The following RP1 variants were observed in gnomAD, a reference collection of about 807,000 sequenced individuals.
RP1 encodes RP1 axonemal microtubule associated.
A neutral mutation model predicts 14.8 loss-of-function variants in RP1; 16 were observed. The ratio of observed to expected loss-of-function variants is 1.08; its 90% CI spans 0.73 to 1.65. The LOEUF (loss-of-function observed/expected upper bound fraction) is 1.65. Among genes scored for constraint, RP1 ranks in the 40% most tolerant of loss-of-function variants. RP1 has a pLI of 0.00. For missense variants in RP1, 2,631 were observed against 2,535.0 expected, an observed-to-expected ratio of 1.04 and a Z score of -0.81; for synonymous variants, 876 against 883.6, an observed-to-expected ratio of 0.99 and a Z score of 0.15.
chr8:54,644,356 C>T (rs1023670928), intron 3 of RP1, among the ~76,000 whole-genome samples: 1 of 152,192 alleles, frequency 6.6e-6, no homozygotes, highest in African/African-American at 2.4e-5. Context: ...AGGGCAGTGG[C>T]TTTACCCTCT....
chr8:54,844,201 C>T (rs1811860069), intron 25 of RP1, among the ~76,000 whole-genome samples: 1 of 152,174 alleles, frequency 6.6e-6, no homozygotes, highest in Non-Finnish European at 1.5e-5. Flanking sequence ...GAGTTGGAAG[C>T]CCGGGTGGCC....
At chr8:54,758,472 GGGAGGGAA>G (rs1332557514) in intron 21 of RP1, among the ~76,000 whole-genome samples, 2 of 150,044 alleles carry the variant, frequency 1.3e-5, no homozygotes, top group Non-Finnish European at 3.0e-5. Flanking sequence ...GAGGGAGGGA[GGGAGGGAA>G]GGAGGGAGGA....
chr8:54,561,170 C>T (rs1242927168), intron 1 of RP1, among the ~76,000 whole-genome samples: 1 of 152,174 alleles, frequency 6.6e-6, no homozygotes, highest in African/African-American at 2.4e-5. Context: ...AAAGCAAGTC[C>T]ATCAAAAGCT....
intron 1 of RP1, among the ~76,000 whole-genome samples, chr8:54,595,665 C>A (rs2129302514): frequency 6.6e-6 from 1 of 152,278 alleles, no homozygotes; most frequent in South Asian, 2.1e-4. Context: ...AAAGTATAAA[C>A]CCAGAGTCTA....
At chr8:54,588,976 G>A (rs571214986) in intron 1 of RP1, among the ~76,000 whole-genome samples, 1 of 152,262 alleles carries the variant, frequency 6.6e-6, no homozygotes, top group East Asian at 1.9e-4. Flanking sequence ...ACTCACCCTA[G>A]TGTGCACAAT....
intron 12 of RP1, among the ~76,000 whole-genome samples, chr8:54,695,297 T>A (rs1477583502): frequency 6.6e-6 from 1 of 152,124 alleles, no homozygotes; most frequent in Non-Finnish European, 1.5e-5. Context: ...ATTCAACAAA[T>A]ATTTATAAAA....
At chr8:54,714,737 C>T (rs933868754) in intron 15 of RP1, among the ~76,000 whole-genome samples, 6 of 152,224 alleles carry the variant, frequency 3.9e-5, no homozygotes, top group African/African-American at 1.4e-4. Context: ...TTCTCTGTTG[C>T]AATTCCTCCA....
intron 3 of RP1, among the ~76,000 whole-genome samples, chr8:54,639,211 C>G (rs1001642751): frequency 3.3e-5 from 5 of 152,158 alleles, no homozygotes; most frequent in Non-Finnish European, 7.4e-5. Context: ...GCTTCTTTTA[C>G]TTAGCAAAAT....
chr8:54,617,815 G>A (rs1160608700), intron 1 of RP1, among the ~76,000 whole-genome samples: 1 of 152,186 alleles, frequency 6.6e-6, no homozygotes, highest in African/African-American at 2.4e-5. Context: ...TTAAGACAGG[G>A]CAAAAGCTGA....
intron 14 of RP1, chr8:54,701,720 T>A: frequency 6.9e-7 from 1 of 1,456,508 alleles, no homozygotes; most frequent in Non-Finnish European, 9.2e-7. Context: ...TCTTTTGCCC[T>A]ATTGAGCAAA....
Position 54,628,949 on chromosome 8 carries a change from T to C in RP1, c.5067T>C (p.Ser1689=), listed in dbSNP as rs765539007. The C allele has an allele frequency of 6.2e-6, 10 of 1,613,986 alleles. No individual in the cohort carries two copies. The South Asian group carries it at 9.9e-5, about 16-fold the overall frequency. Residue 1689 remains serine, a synonymous_variant, in exon 4 of 4, where the codon AGT becomes AGC. Coordinates refer to ENST00000220676, the MANE Select transcript of RP1 (RefSeq NM_006269.2). The part of the protein sequence containing the change: ...SFGSSEQVSS[S]SSMLQEFQEE... ...GCTCTTCTGAACAGGTATCTAGTAG[T>C]TCATCTATGTTGCAGGAATTCCAGG...
chr8:54,673,446 T>C (rs1296208789), intron 7 of RP1, among the ~76,000 whole-genome samples: 4 of 152,204 alleles, frequency 2.6e-5, no homozygotes, highest in Non-Finnish European at 5.9e-5. Context: ...ATTTTTACAA[T>C]CAATTTTTAC....
chr8:54,785,029 C>T (rs1810284812), intron 24 of RP1, among the ~76,000 whole-genome samples: 1 of 151,844 alleles, frequency 6.6e-6, no homozygotes, highest in Non-Finnish European at 1.5e-5. Flanking sequence ...ATGATCAAAT[C>T]AGGGTAAAAA....
chr8:54,654,474 C>T (rs1379141243), intron 5 of RP1, among the ~76,000 whole-genome samples: 1 of 152,118 alleles, frequency 6.6e-6, no homozygotes, highest in Admixed American at 6.5e-5. Flanking sequence ...TCAAATCAGA[C>T]AGTCTTGGCA....
intron 12 of RP1, chr8:54,696,297 C>A: frequency 2.4e-6 from 1 of 418,842 alleles, no homozygotes; most frequent in Non-Finnish European, 4.2e-6. Context: ...ATTGACTAAA[C>A]TCAAAATTTT....
At chr8:54,693,234 T>C (rs1490911348) in intron 12 of RP1, among the ~76,000 whole-genome samples, 1 of 151,822 alleles carries the variant, frequency 6.6e-6, no homozygotes, top group African/African-American at 2.4e-5. Context: ...TGTAGTATAG[T>C]TTGAAGTCAG....
intron 16 of RP1, chr8:54,720,338 G>C (rs1278823918): frequency 1.3e-6 from 2 of 1,520,798 alleles, no homozygotes; most frequent in African/African-American, 2.8e-5. Context: ...TTGATTTTTG[G>C]TTTGCTTTAT....
intron 25 of RP1, among the ~76,000 whole-genome samples, chr8:54,839,752 G>C (rs1460913426): frequency 6.6e-6 from 1 of 152,186 alleles, no homozygotes; most frequent in African/African-American, 2.4e-5. Context: ...GAATGGCACA[G>C]AACACATGGG....
At chr8:54,853,938 AAGG>A (rs905738511) in intron 26 of RP1, among the ~76,000 whole-genome samples, 14 of 150,930 alleles carry the variant, frequency 9.3e-5, no homozygotes, top group South Asian at 2.1e-4. Flanking sequence ...GAGAGAGAGA[AAGG>A]AAGGAAGGAA....
Sources: allele counts gnomAD v4.1 joint callset (sites outside exome capture counted in the v4.1 genomes callset), GRCh38; gene constraint gnomAD v4.1.1; transcripts MANE v1.5; gene names NCBI Gene and HGNC (gene_info 2026-07-23, HGNC 2026-07-21).